The following ABHD2 variants were observed in gnomAD, a reference collection of about 807,000 sequenced individuals.
The protein encoded by ABHD2 is monoacylglycerol lipase ABHD2.
A neutral mutation model predicts 48.1 loss-of-function variants in ABHD2; 20 were observed. The ratio of observed to expected loss-of-function variants is 0.42; its 90% CI spans 0.29 to 0.60. The LOEUF is 0.60. Ranked by LOEUF, ABHD2 falls within the 20% of genes least tolerant of loss-of-function variation. The pLI, the probability that ABHD2 is intolerant of heterozygous loss-of-function variation, is 0.24. For missense variants in ABHD2, 405 were observed against 550.9 expected (o/e 0.74, Z 2.65); for synonymous variants, 209 against 214.2 (o/e 0.98, Z 0.21).
the ABHD2 span, among the ~76,000 whole-genome samples, chr15:89,043,581 A>C: frequency 7.1e-6 from 1 of 140,982 alleles, no homozygotes; most frequent in South Asian, 2.5e-4. Flanking sequence ...AGAAAAGAAG[A>C]AGAGGAAGAA....
At chr15:89,149,665 G>A in intron 3 of ABHD2, among the ~76,000 whole-genome samples, 1 of 152,192 alleles carries the variant, frequency 6.6e-6, no homozygotes, top group East Asian at 1.9e-4. Flanking sequence ...AGAAACGCTG[G>A]GTGTGAAAGA....
chr15:89,049,200 C>T, the ABHD2 span, among the ~76,000 whole-genome samples: 4 of 152,142 alleles, frequency 2.6e-5, no homozygotes, highest in Non-Finnish European at 4.4e-5. Context: ...TTAGGCTGCC[C>T]GGAGGTCAGG....
the ABHD2 span, among the ~76,000 whole-genome samples, chr15:89,042,149 T>C: frequency 6.6e-6 from 1 of 152,176 alleles, no homozygotes; most frequent in East Asian, 1.9e-4. Flanking sequence ...CTCCACATCA[T>C]AGCTGAGGAC....
At chr15:89,081,394 A>G in the ABHD2 span, among the ~76,000 whole-genome samples, 34 of 151,864 alleles carry the variant, frequency 2.2e-4, no homozygotes, top group East Asian at 9.6e-4. Flanking sequence ...TCATCCATCA[A>G]TGGACATTTG....
At chr15:89,191,964 T>C (rs1468455194) in intron 9 of ABHD2, among the ~76,000 whole-genome samples, 1 of 152,226 alleles carries the variant, frequency 6.6e-6, no homozygotes, top group African/African-American at 2.4e-5. Context: ...TTTGTATTAA[T>C]GCAACTTTTA....
At chr15:89,083,481 C>T (rs938720569), upstream of ABHD2, among the ~76,000 whole-genome samples, 29 of 152,198 alleles carry the variant, frequency 1.9e-4, no homozygotes, top group South Asian at 2.7e-3. The surrounding 1 kb of genome is among the most constrained non-coding windows in gnomAD (Gnocchi z 5.1). Context: ...TGTGTGTGTG[C>T]GCGCGTGCAC....
chr15:89,135,860 G>GAAC, intron 3 of ABHD2: 1 of 702,420 alleles, frequency 1.4e-6, no homozygotes, highest in Non-Finnish European at 2.6e-6. Flanking sequence ...GAACAGAACA[G>GAAC]AACAGGACAG....
At chr15:89,143,395 C>A (rs752690056) in intron 3 of ABHD2, among the ~76,000 whole-genome samples, 6 of 152,158 alleles carry the variant, frequency 3.9e-5, no homozygotes, top group Non-Finnish European at 8.8e-5. Context: ...TGGCCAAGTG[C>A]GGTGGCTCAC....
chr15:89,195,135 C>T lies in ABHD2; in HGVS notation c.1082-92C>T. 1 of 1,454,182 alleles carries T rather than the reference C, an allele frequency of 6.9e-7. No individual in the cohort carries two copies. The allele number at this position is 1,454,182 out of a possible 1,614,324, so 90.1% of individuals were successfully genotyped here. ...GCCCACTTAGGTGACCCTGCGGGGA[C>T]AGCCAGGCTACCCTAGCCAGCTCAC... On this transcript the variant is annotated intron_variant, in intron 10 of 10. Transcript: ENST00000352732. The surrounding 1 kb of genome is among the most constrained non-coding windows in gnomAD (Gnocchi z 5.1).
the ABHD2 span, among the ~76,000 whole-genome samples, chr15:89,041,888 C>A: frequency 2.0e-5 from 3 of 152,100 alleles, no homozygotes; most frequent in African/African-American, 4.8e-5. Flanking sequence ...AAGCATCTTC[C>A]CCTACCTGGA....
chr15:89,107,912 T>G (rs555700565), intron 1 of ABHD2, among the ~76,000 whole-genome samples: 8 of 152,346 alleles, frequency 5.3e-5, no homozygotes, highest in African/African-American at 1.9e-4. Context: ...CTCTCTCACT[T>G]TGCTGATAGC....
At chr15:89,078,454 A>G in the ABHD2 span, among the ~76,000 whole-genome samples, 1 of 152,188 alleles carries the variant, frequency 6.6e-6, no homozygotes, top group African/African-American at 2.4e-5. Context: ...TTGCTCCTAA[A>G]CAGATCGTTG....
At chr15:89,134,511 G>A (rs1362866511) in intron 3 of ABHD2, among the ~76,000 whole-genome samples, 1 of 152,168 alleles carries the variant, frequency 6.6e-6, no homozygotes, top group African/African-American at 2.4e-5. Flanking sequence ...TATACCATCA[G>A]CAGATTGCAG....
intron 6 of ABHD2, among the ~76,000 whole-genome samples, chr15:89,178,049 T>C (rs1443121217): frequency 2.0e-5 from 3 of 152,224 alleles, no homozygotes; most frequent in Non-Finnish European, 4.4e-5. Flanking sequence ...AGACATAGCC[T>C]ACACAGCCTC....
At chr15:89,085,404 T>C (rs1901333459), upstream of ABHD2, among the ~76,000 whole-genome samples, 1 of 151,926 alleles carries the variant, frequency 6.6e-6, no homozygotes, top group South Asian at 2.1e-4. The surrounding 1 kb of genome is among the most constrained non-coding windows in gnomAD (Gnocchi z 4.2). Flanking sequence ...AAATGATTTA[T>C]AGAATGAAAT....
In ABHD2 at chr15:89,155,967, C is replaced by T. The variant is rs548038169; in HGVS notation, c.538+433C>T. On this transcript the variant is annotated intron_variant, in intron 5 of 10. Coordinates refer to ENST00000352732, the MANE Select transcript of ABHD2 (RefSeq NM_152924.5). The surrounding 1 kb of genome is among the most constrained non-coding windows in gnomAD (Gnocchi z 4.9). ...GGAAGGGAGCCTGGCACAGTAGCAA[C>T]TCACTGGATTTTAGGTTCCTGGGGA... Among the ~76,000 whole-genome samples, 10 of 152,154 alleles carry T rather than the reference C, an allele frequency of 6.6e-5. No individual in the cohort carries two copies. The highest frequency in any genetic ancestry group is 1.3e-4 in the Non-Finnish European group (9 of 68,028).
intron 3 of ABHD2, among the ~76,000 whole-genome samples, chr15:89,144,794 A>G (rs1428331473): frequency 2.0e-5 from 3 of 152,250 alleles, no homozygotes; most frequent in African/African-American, 4.8e-5. Context: ...TTTTGAATGT[A>G]TTAAATGCTA....
the ABHD2 span, chr15:89,075,244 C>G: frequency 6.6e-6 from 1 of 152,210 alleles, no homozygotes; most frequent in African/African-American, 2.4e-5. The surrounding 1 kb of genome is among the most constrained non-coding windows in gnomAD (Gnocchi z 4.1). Context: ...GATGTGGGTT[C>G]TGGCCCCCAG....
chr15:89,148,552 A>G (rs2050536489), intron 3 of ABHD2, among the ~76,000 whole-genome samples: 1 of 152,268 alleles, frequency 6.6e-6, no homozygotes, highest in Admixed American at 6.5e-5. Flanking sequence ...TATCTACAAA[A>G]TGTAAAACGC....
Sources: allele counts gnomAD v4.1 joint callset (sites outside exome capture counted in the v4.1 genomes callset), GRCh38; gene constraint gnomAD v4.1.1; non-coding constraint Gnocchi (gnomAD v3.1); transcripts MANE v1.5; gene names NCBI Gene and HGNC (gene_info 2026-07-23, HGNC 2026-07-21).